The following ABHD12 variants were observed in gnomAD, a reference collection of about 807,000 sequenced individuals.
ABHD12 encodes the protein lysophosphatidylserine lipase ABHD12.
Under a neutral mutation model 58.3 loss-of-function variants are expected in ABHD12, and 43 were observed. That is an observed-to-expected ratio of 0.74 (90% CI 0.58 to 0.95). The LOEUF is 0.95. ABHD12 is among the 40% of genes least tolerant of loss of function. ABHD12 has a pLI of 0.00. For missense variants in ABHD12, 539 were observed against 537.2 expected (o/e 1.00, Z -0.03); for synonymous variants, 219 against 211.2 (o/e 1.04, Z -0.32).
intron 1 of ABHD12, among the ~76,000 whole-genome samples, chr20:25,370,666 G>C (rs765930121): frequency 1.1e-4 from 16 of 152,072 alleles, no homozygotes; most frequent in Non-Finnish European, 5.9e-5. Flanking sequence ...TGCGACCCTG[G>C]GCAAGCTACT....
downstream of ABHD12, chr20:25,297,877 G>C (rs1312420189): frequency 2.0e-5 from 3 of 152,334 alleles, no homozygotes; most frequent in Non-Finnish European, 2.9e-5. Flanking sequence ...ATCTTCCCCA[G>C]GCAGCGGCTC....
At chr20:25,315,641 G>A (rs2088947144) in intron 5 of ABHD12, among the ~76,000 whole-genome samples, 1 of 152,092 alleles carries the variant, frequency 6.6e-6, no homozygotes, top group Non-Finnish European at 1.5e-5. Flanking sequence ...CCAGCTCCTA[G>A]CCACCGCAGA....
chr20:25,390,415 T>G, intron 1 of ABHD12, 98 bp downstream of exon 1: 2 of 1,188,164 alleles, frequency 1.7e-6, no homozygotes, highest in Non-Finnish European at 2.1e-6. Flanking sequence ...ACGGCCACTC[T>G]GGGAGGGGCT....
At chr20:25,355,541 A>C (rs2089655612) in intron 1 of ABHD12, among the ~76,000 whole-genome samples, 1 of 152,066 alleles carries the variant, frequency 6.6e-6, no homozygotes, top group Non-Finnish European at 1.5e-5. Flanking sequence ...GCATTTGACA[A>C]AGTATAAACG....
At chr20:25,341,129 G>A (rs1213988634) in intron 1 of ABHD12, among the ~76,000 whole-genome samples, 1 of 152,212 alleles carries the variant, frequency 6.6e-6, no homozygotes, top group African/African-American at 2.4e-5. Flanking sequence ...TCGAGCGCCT[G>A]GCACTCTGAA....
At chr20:25,301,609 C>G (rs1218642285) in intron 12 of ABHD12, among the ~76,000 whole-genome samples, 1 of 152,232 alleles carries the variant, frequency 6.6e-6, no homozygotes, top group Non-Finnish European at 1.5e-5. Flanking sequence ...CTCTGACAGG[C>G]AGGTAGGCGA....
At chr20:25,296,614 G>GAAAA, downstream of ABHD12, 1 of 1,466,470 alleles carries the variant, frequency 6.8e-7, no homozygotes, top group Non-Finnish European at 9.2e-7. Context: ...AGCCACTGGT[G>GAAAA]GTCCCTGCTT....
chr20:25,316,371 G>A (rs944960879), intron 5 of ABHD12, among the ~76,000 whole-genome samples: 6 of 151,984 alleles, frequency 3.9e-5, no homozygotes, highest in East Asian at 1.9e-4. Context: ...CATCCTGGCC[G>A]GCTGGTCTTG....
intron 1 of ABHD12, among the ~76,000 whole-genome samples, chr20:25,366,566 T>C (rs558756704): frequency 6.6e-6 from 1 of 152,332 alleles, no homozygotes; most frequent in South Asian, 2.1e-4. Flanking sequence ...GCACCCATTT[T>C]TCTTTTCAGC....
At chr20:25,372,264 C>A (rs1337509274) in intron 1 of ABHD12, among the ~76,000 whole-genome samples, 1 of 151,910 alleles carries the variant, frequency 6.6e-6, no homozygotes, top group Non-Finnish European at 1.5e-5. Context: ...GTCACCTGCG[C>A]TTAAGTGCAG....
chr20:25,311,303 G>T (rs2088845199), intron 6 of ABHD12, among the ~76,000 whole-genome samples: 2 of 152,168 alleles, frequency 1.3e-5, no homozygotes, highest in Non-Finnish European at 2.9e-5. Flanking sequence ...AAAAGGGAGA[G>T]GAGTCAGGGT....
intron 6 of ABHD12, among the ~76,000 whole-genome samples, chr20:25,313,136 A>AT (rs2088893727): frequency 6.6e-6 from 1 of 152,252 alleles, no homozygotes; most frequent in Non-Finnish European, 1.5e-5. Flanking sequence ...GTTTTGTCGA[A>AT]TAGAAAAGGG....
At chr20:25,322,691 T>C (rs1257600957) in intron 3 of ABHD12, among the ~76,000 whole-genome samples, 1 of 150,546 alleles carries the variant, frequency 6.6e-6, no homozygotes, top group Non-Finnish European at 1.5e-5. Flanking sequence ...GGATGGAAGA[T>C]ATATTCAAAC....
intron 5 of ABHD12, among the ~76,000 whole-genome samples, chr20:25,315,831 G>A (rs1052784849): frequency 6.6e-6 from 1 of 152,202 alleles, no homozygotes; most frequent in Admixed American, 6.5e-5. Context: ...GTGTGCCCCC[G>A]CCTCTGTCTG....
At chr20:25,299,328 G>A (rs978222514), downstream of ABHD12, among the ~76,000 whole-genome samples, 3 of 152,084 alleles carry the variant, frequency 2.0e-5, no homozygotes, top group African/African-American at 7.2e-5. Context: ...TTGAGCCCAG[G>A]AGGTGAAGTT....
intron 3 of ABHD12, among the ~76,000 whole-genome samples, chr20:25,322,230 C>T (rs2089079150): frequency 6.6e-6 from 1 of 151,432 alleles, no homozygotes; most frequent in Admixed American, 6.6e-5. Flanking sequence ...GGCTTATGTC[C>T]AGTGTAAACT....
intron 4 of ABHD12, among the ~76,000 whole-genome samples, chr20:25,317,885 G>A (rs1041736035): frequency 3.3e-5 from 5 of 152,148 alleles, no homozygotes; most frequent in African/African-American, 4.8e-5. Flanking sequence ...GGAGGAGGGC[G>A]GGTCCACACT....
chr20:25,348,446 TAA>T (rs59369733), intron 1 of ABHD12, among the ~76,000 whole-genome samples: 61,507 of 124,408 alleles, frequency 0.49, 14,907 homozygotes, highest in Admixed American at 0.59. Flanking sequence ...AACCATTTGG[TAA>T]AAAAAAAAAA....
intron 3 of ABHD12, among the ~76,000 whole-genome samples, chr20:25,320,614 C>A (rs1205035131): frequency 6.6e-6 from 1 of 152,248 alleles, no homozygotes; most frequent in Non-Finnish European, 1.5e-5. Flanking sequence ...CCAGTTACCA[C>A]TGGGGCCTGG....
Sources: allele counts gnomAD v4.1 joint callset (sites outside exome capture counted in the v4.1 genomes callset), GRCh38; gene constraint gnomAD v4.1.1; transcripts MANE v1.5; gene names NCBI Gene and HGNC (gene_info 2026-07-23, HGNC 2026-07-21).